Variants in ZFPM2 observed in about 807,000 individuals in gnomAD.
ZFPM2 encodes the protein zinc finger protein ZFPM2.
In ZFPM2, 20 loss-of-function variants were observed where a neutral mutation model predicts 98.6. That is an observed-to-expected ratio of 0.20 (90% confidence interval 0.14 to 0.29). The LOEUF is 0.29. Ranked by LOEUF, ZFPM2 falls within the 10% of genes least tolerant of loss-of-function variation. The probability of loss-of-function intolerance (pLI) is 1.00; values close to 1 mark genes in which losing one functional copy is unlikely to be tolerated. For synonymous variants in ZFPM2, 518 were observed against 502.7 expected (o/e 1.03, Z -0.41); for missense variants, 1,310 against 1,388.6 (o/e 0.94, Z 0.90).
At chr8:105,408,062 G>T (rs191326217) in intron 1 of ZFPM2, among the ~76,000 whole-genome samples, 3 of 151,840 alleles carry the variant, frequency 2.0e-5, no homozygotes, top group Admixed American at 2.0e-4. Flanking sequence ...TTCTATTGTA[G>T]GCTTTGTTAT....
intron 5 of ZFPM2, among the ~76,000 whole-genome samples, chr8:105,720,886 A>G (rs1340403527): frequency 5.9e-5 from 9 of 151,666 alleles, no homozygotes; most frequent in East Asian, 2.0e-4. Context: ...GAACAGTCCC[A>G]TTGTTTTGGC....
Position 105,804,475 on chromosome 8 carries a change from T to C in ZFPM2, c.*937T>C, listed in dbSNP as rs1253356944. ...AATGTTCTACTTCTGATAGAAATAA[T>C]TTCTCAACAAATGTTGTTACTATGC... On this transcript the variant is annotated 3_prime_UTR_variant, in exon 8 of 8. Transcript: ENST00000407775. The C allele has an allele frequency of 6.6e-6, 1 of 152,584 alleles. No individual in the cohort carries two copies. The highest frequency in any genetic ancestry group is 2.4e-5 in the African/African-American group (1 of 41,436). The allele number at this position is 152,584 out of a possible 1,614,324, so 9.5% of individuals were successfully genotyped here.
Position 105,435,666 on chromosome 8 carries a change from T to TA in ZFPM2, c.200-8605dup, listed in dbSNP as rs371348150. Among the ~76,000 whole-genome samples the TA allele has an allele frequency of 5.9e-5, 9 of 151,284 alleles. No individual in the cohort carries two copies. In the South Asian group the frequency reaches 1.3e-3, roughly 21 times the overall value. On this transcript the variant is annotated intron_variant, in intron 2 of 7. Transcript: ENST00000407775. ...ACATAGAATCAAAAATGGATAGAAG[T>TA]AAAAAAAAATGTTGGTCAATAAAGT...
At chr8:105,778,893 TC>T (rs1276370434) in intron 5 of ZFPM2, among the ~76,000 whole-genome samples, 3 of 138,530 alleles carry the variant, frequency 2.2e-5, no homozygotes, top group East Asian at 4.3e-4. Flanking sequence ...GAAACTGTCA[TC>T]TTTTTTTTTT....
At position 105,801,660 on chromosome 8, in the gene ZFPM2, G is replaced by T. The variant is rs200643137; in HGVS notation, c.1578G>T (p.Arg526=). ...ILAKMSELVH[R]RLRHGSSSYP... ...CTAAGATGTCTGAACTGGTGCATCG[G>T]CGACTGAGGCATGGCAGTAGTAGCT... The change falls in exon 8 of 8, where the codon CGG becomes CGT. Residue 526 remains arginine, a synonymous_variant. Coordinates refer to ENST00000407775, the MANE Select transcript of ZFPM2 (RefSeq NM_012082.4). 6.4e-4 allele frequency: 1,032 copies of T among 1,613,444 alleles called. 10 individuals carry two copies. The highest frequency in any genetic ancestry group is 2.8e-3 in the Middle Eastern group (17 of 6,082).
chr8:105,558,334 G>A (rs999979074), intron 3 of ZFPM2, among the ~76,000 whole-genome samples: 27 of 152,096 alleles, frequency 1.8e-4, no homozygotes, highest in Admixed American at 2.0e-4. Context: ...CATAAGAAAG[G>A]ATTTTCCTAA....
intron 1 of ZFPM2, among the ~76,000 whole-genome samples, chr8:105,339,454 C>T (rs144986322): frequency 6.0e-4 from 91 of 151,994 alleles, no homozygotes; most frequent in African/African-American, 2.0e-3. Flanking sequence ...ACTACCCTTG[C>T]ATAAATGGAG....
rs559748971 is a variant in ZFPM2 at position 105,690,800 on chromosome 8, G to T, written c.532+56443G>T. On this transcript the variant is annotated intron_variant, in intron 5 of 7. Transcript: ENST00000407775. ...AATGTGTTTATACTCCCCCACCTCCGTTGCCATCTACCAATCAGTGGTCAT... is the reference window on the plus strand; with the variant it reads ...AATGTGTTTATACTCCCCCACCTCCTTTGCCATCTACCAATCAGTGGTCAT... 45 of 152,092 alleles carry T rather than the reference G, an allele frequency of 3.0e-4. 1 individual carries two copies. The highest frequency in any genetic ancestry group is 1.1e-3 in the African/African-American group (44 of 41,446). The allele number at this position is 152,092 out of a possible 1,614,324, so 9.4% of individuals were successfully genotyped here.
chr8:105,620,939 G>A (rs748143983), intron 4 of ZFPM2, among the ~76,000 whole-genome samples: 7 of 152,104 alleles, frequency 4.6e-5, no homozygotes, highest in South Asian at 2.1e-4. Flanking sequence ...CTGTAGCCTC[G>A]TAGTATAGTT....
intron 4 of ZFPM2, among the ~76,000 whole-genome samples, chr8:105,592,636 A>C (rs1417468742): frequency 6.6e-6 from 1 of 152,074 alleles, no homozygotes; most frequent in Non-Finnish European, 1.5e-5. Context: ...TAATATATGC[A>C]GATATTGATG....
intron 1 of ZFPM2, among the ~76,000 whole-genome samples, chr8:105,359,398 CAG>C (rs1328135916): frequency 7.2e-6 from 1 of 138,722 alleles, no homozygotes; most frequent in Non-Finnish European, 1.5e-5. Flanking sequence ...TGTTTTGAGA[CAG>C]AGTCTCGCTC....
At chr8:105,334,481 G>T (rs989109148) in intron 1 of ZFPM2, among the ~76,000 whole-genome samples, 3 of 151,586 alleles carry the variant, frequency 2.0e-5, no homozygotes, top group African/African-American at 7.3e-5. Context: ...AGAGAAAAAG[G>T]TTTTAAATAT....
chr8:105,544,149 T>A (rs1814640205), intron 3 of ZFPM2, among the ~76,000 whole-genome samples: 1 of 152,148 alleles, frequency 6.6e-6, no homozygotes, highest in Non-Finnish European at 1.5e-5. Context: ...AATAAAATAT[T>A]ACAAAATAAA....
At chr8:105,451,051 A>G (rs1465238119) in intron 3 of ZFPM2, among the ~76,000 whole-genome samples, 1 of 152,174 alleles carries the variant, frequency 6.6e-6, no homozygotes, top group Non-Finnish European at 1.5e-5. Context: ...ACAACTTTAT[A>G]AAGTATACCA....
intron 4 of ZFPM2, among the ~76,000 whole-genome samples, chr8:105,566,569 T>G (rs1351934368): frequency 2.0e-5 from 3 of 152,144 alleles, no homozygotes; most frequent in Non-Finnish European, 4.4e-5. Context: ...ATAAACTAAA[T>G]CTCAGCTGTG....
chr8:105,375,225 A>G (rs1214879983), intron 1 of ZFPM2, among the ~76,000 whole-genome samples: 2 of 152,192 alleles, frequency 1.3e-5, no homozygotes, highest in African/African-American at 4.8e-5. Context: ...TTTAGGATGT[A>G]CCACACTTGA....
Position 105,663,867 on chromosome 8 carries a change from G to A in ZFPM2, c.532+29510G>A, listed in dbSNP as rs752493042. Among the ~76,000 whole-genome samples the A allele has an allele frequency of 9.9e-5, 15 of 152,176 alleles. No homozygotes were observed. The East Asian group carries it at 1.2e-3, about 12-fold the overall frequency. ...TTGTTTTTCAGTAGTCTGGAACAGC[G>A]TTTCAATTTTTTGAAAGGCAAAGGT... is the stretch of plus-strand genomic sequence containing the variant. On this transcript the variant is annotated intron_variant, in intron 5 of 7. Coordinates refer to ENST00000407775, the MANE Select transcript of ZFPM2 (RefSeq NM_012082.4).
intron 3 of ZFPM2, among the ~76,000 whole-genome samples, chr8:105,502,148 A>G (rs888997098): frequency 6.6e-6 from 1 of 152,206 alleles, no homozygotes; most frequent in African/African-American, 2.4e-5. Context: ...CAAAAGAGAA[A>G]GAGCAAGTGA....
chr8:105,790,662 TGAA>T (rs1490196154), intron 6 of ZFPM2, among the ~76,000 whole-genome samples: 1 of 152,208 alleles, frequency 6.6e-6, no homozygotes, highest in African/African-American at 2.4e-5. Flanking sequence ...GGGATGGCAT[TGAA>T]TCTATAAATT....
Sources: gnomAD v4.1 joint callset for allele counts (sites outside exome capture counted in the v4.1 genomes callset) on GRCh38, gnomAD v4.1.1 for gene constraint, MANE v1.5 for transcripts, NCBI Gene and HGNC (gene_info 2026-07-23, HGNC 2026-07-21) for gene names.